Variants in BEST3 observed in about 807,000 individuals in gnomAD.
The protein encoded by BEST3 is bestrophin-3.
BEST3 carries 50 observed loss-of-function variants against 47.1 expected under a neutral mutation model. The observed-to-expected ratio is 1.06, with a 90% CI of 0.85 to 1.34. The LOEUF is 1.34. Ranked by LOEUF, BEST3 falls within the 40% of genes most tolerant of loss-of-function variation. The pLI, the probability that BEST3 is intolerant of heterozygous loss-of-function variation, is 0.00. For missense variants in BEST3, 765 were observed against 817.0 expected (o/e 0.94, Z 0.78); for synonymous variants, 282 against 298.8 (o/e 0.94, Z 0.58).
At chr12:69,695,749 C>T (rs900053112) in intron 2 of BEST3, among the ~76,000 whole-genome samples, 1 of 152,070 alleles carries the variant, frequency 6.6e-6, no homozygotes, top group Non-Finnish European at 1.5e-5. Flanking sequence ...TCAGTTTTCT[C>T]ATCTGTAAGT....
downstream of BEST3, among the ~76,000 whole-genome samples, chr12:69,652,344 G>T (rs1205637409): frequency 6.6e-6 from 1 of 152,204 alleles, no homozygotes; most frequent in Non-Finnish European, 1.5e-5. Flanking sequence ...AGGGAAAAAG[G>T]AGCTAGGCAG....
At chr12:69,678,202 T>A (rs986510609) in intron 5 of BEST3, among the ~76,000 whole-genome samples, 18 of 150,920 alleles carry the variant, frequency 1.2e-4, no homozygotes, top group Middle Eastern at 3.4e-3. Flanking sequence ...GGGAGGGGAC[T>A]GTCATGGCAC....
intron 8 of BEST3, among the ~76,000 whole-genome samples, chr12:69,672,237 C>T (rs1438227057): frequency 6.6e-6 from 1 of 152,190 alleles, no homozygotes; most frequent in African/African-American, 2.4e-5. Flanking sequence ...TTTGAACTTA[C>T]TTAACTGCCG....
Position 69,693,831 on chromosome 12 carries a change from G to C in BEST3, c.324C>G (p.Phe108Leu). 6.2e-7 allele frequency: 1 copy of C among 1,613,882 alleles called. No individual in the cohort carries two copies. The highest frequency in any genetic ancestry group is 8.5e-7 in the Non-Finnish European group (1 of 1,179,934). The change falls in exon 4 of 10, where the codon TTC becomes TTG. Residue 108 changes from phenylalanine to leucine, a missense_variant. Phe to Leu is a conservative substitution (Grantham distance 22). Coordinates refer to ENST00000330891, the MANE Select transcript of BEST3 (RefSeq NM_032735.3). ...TTCCGTGAACACTGCTAGAGATGAG[G>C]AACATTAGCCTGTCTGGCCAGGGCA... ...VNLPWPDRLM[F>L]LISSSVHGSD...
rs1409724558 is a variant in BEST3, at chr12:69,645,507, C to T, written c.1101-1720G>A. ...GTCGGCAGAGGTGGTTGAGTGGTTACGGTGATTGCTGATTGACTGTTCATC... is the reference window on the plus strand; with the variant it reads ...GTCGGCAGAGGTGGTTGAGTGGTTATGGTGATTGCTGATTGACTGTTCATC... On this transcript the variant is annotated intron_variant, in intron 9 of 9. Transcript: ENST00000331471. 4.6e-5 allele frequency among the ~76,000 whole-genome samples: 7 copies of T among 152,238 alleles called. No homozygotes were observed. In the South Asian group the frequency reaches 1.0e-3, roughly 23 times the overall value.
rs925126022 is a variant in BEST3 at position 69,674,141 on chromosome 12, A to T, written c.868-1176T>A. On this transcript the variant is annotated intron_variant, in intron 7 of 9. Coordinates refer to ENST00000330891, the MANE Select transcript of BEST3 (RefSeq NM_032735.3). Reference sequence around the variant, plus strand: ...GATTTTACATTGAGTCTAGATGGAAAAAAATTTTAAATGTGTAAAATAAAG... The same window carrying T: ...GATTTTACATTGAGTCTAGATGGAATAAAATTTTAAATGTGTAAAATAAAG... Among the ~76,000 whole-genome samples, 5 of 152,254 alleles carry T rather than the reference A, an allele frequency of 3.3e-5. No homozygotes were observed. The East Asian group carries it at 5.8e-4, about 18-fold the overall frequency.
At chr12:69,660,302 A>T (rs1205007918) in intron 9 of BEST3, 1 of 152,210 alleles carries the variant, frequency 6.6e-6, no homozygotes, top group African/African-American at 2.4e-5. Context: ...GACTTCTCAG[A>T]CAGGGTTGGA....
intron 9 of BEST3, among the ~76,000 whole-genome samples, chr12:69,663,315 G>A (rs938491059): frequency 1.6e-4 from 25 of 152,136 alleles, no homozygotes; most frequent in African/African-American, 6.0e-4. Context: ...CAGCAACACT[G>A]GCTTGAATTT....
At chr12:69,657,572 A>G (rs887801045) in intron 9 of BEST3, among the ~76,000 whole-genome samples, 2 of 152,166 alleles carry the variant, frequency 1.3e-5, no homozygotes, top group Admixed American at 6.5e-5. Context: ...CTTGCCCTTG[A>G]ACTACAAATG....
At chr12:69,646,893 G>C (rs1437989113) in intron 9 of BEST3, among the ~76,000 whole-genome samples, 2 of 152,066 alleles carry the variant, frequency 1.3e-5, no homozygotes, top group Non-Finnish European at 2.9e-5. Context: ...CTTATCATTA[G>C]AATTGAAGAT....
At chr12:69,657,635 T>C (rs1483777849) in intron 9 of BEST3, among the ~76,000 whole-genome samples, 1 of 152,156 alleles carries the variant, frequency 6.6e-6, no homozygotes, top group Admixed American at 6.5e-5. Flanking sequence ...CAGTCCACTA[T>C]TGGTAGTGAC....
intron 2 of BEST3, 113 bp from the exon 3 acceptor site, chr12:69,694,577 A>T (rs1423659899): frequency 6.0e-6 from 3 of 496,674 alleles, no homozygotes; most frequent in South Asian, 5.0e-5. Flanking sequence ...TTTTTGAAGG[A>T]TCAATAATTT....
chr12:69,690,704 A>G (rs1885889077), intron 4 of BEST3, among the ~76,000 whole-genome samples: 2 of 152,228 alleles, frequency 1.3e-5, no homozygotes, highest in Non-Finnish European at 2.9e-5. Flanking sequence ...TAGCTCATCA[A>G]CTTGGAATAG....
chr12:69,688,019 C>T (rs1011684976), intron 4 of BEST3, among the ~76,000 whole-genome samples: 1 of 152,206 alleles, frequency 6.6e-6, no homozygotes, highest in Non-Finnish European at 1.5e-5. Flanking sequence ...ATAGTTCTAG[C>T]ACCAGCTTGG....
Position 69,655,386 on chromosome 12 carries a change from C to T in BEST3, c.1528G>A (p.Ala510Thr). The change falls in exon 10 of 10, where the codon GCA (alanine) becomes ACA (threonine). Residue 510 changes from alanine (A) to threonine (T), a missense_variant. By Grantham distance (58) the Ala-to-Thr change is moderately conservative (BLOSUM62 0). Transcript: ENST00000330891. ...VPEVLITAAE[A>T]PVPTSGGYHH... ...TAGCCCCCTGATGTGGGCACTGGTG[C>T]TTCGGCTGCTGTGATCAATACCTCA... 6.2e-7 allele frequency: 1 copy of T among 1,614,114 alleles called. No individual in the cohort carries two copies. Among genetic ancestry groups the T allele is most frequent in the Non-Finnish European group, 8.5e-7 (1 of 1,180,014 alleles).
intron 4 of BEST3, among the ~76,000 whole-genome samples, chr12:69,688,680 C>T (rs974559706): frequency 1.3e-5 from 2 of 152,136 alleles, no homozygotes; most frequent in South Asian, 2.1e-4. Context: ...TTGGCCCTCT[C>T]GCTTATTTCC....
chr12:69,674,229 T>C (rs1312496042), intron 7 of BEST3, among the ~76,000 whole-genome samples: 1 of 152,132 alleles, frequency 6.6e-6, no homozygotes, highest in Non-Finnish European at 1.5e-5. Flanking sequence ...CAGTAGAAAA[T>C]CTACCTACTT....
intron 4 of BEST3, among the ~76,000 whole-genome samples, chr12:69,680,310 C>CTTCTTTTTTTTTTCTTTTTTTTTTTTTTT (rs763385722): frequency 1.1e-5 from 1 of 95,032 alleles, no homozygotes; most frequent in Non-Finnish European, 2.0e-5. Context: ...TACACTTGAT[C>CTTCTTTTTTTTTTCTTTTTTTTTTTTTTT]TTTTTTTTTT....
At chr12:69,677,653 C>T (rs920955526) in intron 5 of BEST3, among the ~76,000 whole-genome samples, 2 of 152,076 alleles carry the variant, frequency 1.3e-5, no homozygotes, top group Non-Finnish European at 2.9e-5. Context: ...TGGTGGCACA[C>T]GCCTGTAGTC....
Sources: gnomAD v4.1 joint callset for allele counts (sites outside exome capture counted in the v4.1 genomes callset) on GRCh38, gnomAD v4.1.1 for gene constraint, MANE v1.5 for transcripts, NCBI Gene and HGNC (gene_info 2026-07-23, HGNC 2026-07-21) for gene names.